The following IPMK variants were observed in gnomAD, a reference collection of about 807,000 sequenced individuals.
The protein encoded by IPMK is inositol polyphosphate multikinase.
IPMK carries 17 observed loss-of-function variants against 45.8 expected under a neutral mutation model. The ratio of observed to expected loss-of-function variants is 0.37; its 90% CI spans 0.25 to 0.56. The LOEUF (loss-of-function observed/expected upper bound fraction) is 0.56, where lower values mean the gene tolerates loss of function less well. Ranked by LOEUF, IPMK falls within the 20% of genes least tolerant of loss-of-function variation. The pLI is 0.79. For missense variants in IPMK, 399 were observed against 498.0 expected (o/e 0.80, Z 1.89); for synonymous variants, 180 against 184.3 (o/e 0.98, Z 0.19).
At chr10:58,229,671 C>T (rs114345090) in intron 2 of IPMK, among the ~76,000 whole-genome samples, 8 of 151,630 alleles carry the variant, frequency 5.3e-5, no homozygotes, top group Admixed American at 1.3e-4. Flanking sequence ...AAAATCTATC[C>T]TTCCCAGGAA....
intron 1 of IPMK, among the ~76,000 whole-genome samples, chr10:58,244,380 C>G (rs1487492747): frequency 6.6e-6 from 1 of 150,630 alleles, no homozygotes; most frequent in Non-Finnish European, 1.5e-5. Context: ...GGGGGTGCCT[C>G]TGCCCGGCCG....
intron 1 of IPMK, among the ~76,000 whole-genome samples, chr10:58,246,932 C>T (rs1465192507): frequency 1.3e-5 from 2 of 150,686 alleles, no homozygotes; most frequent in African/African-American, 2.5e-5. Flanking sequence ...ATCCAGAATC[C>T]ACAATGAACT....
In IPMK at chr10:58,267,425, C is replaced by T; in HGVS notation, c.187G>A (p.Val63Met). ...GACCTATGCCACCCCCACTTACCCA[C>T]TTTGTCCTTCCCGTACATGTGCCCG... ...VAGHMYGKDK[V>M]GILQHPDGTV... The change falls in exon 1 of 6, where the codon GTG becomes ATG. Residue 63 changes from valine (V) to methionine (M), a missense_variant. Physicochemically the swap from Val to Met is conservative, Grantham distance 21. Transcript: ENST00000373935. 1 of 1,613,886 alleles carries T rather than the reference C, an allele frequency of 6.2e-7. No homozygotes were observed. The highest frequency in any genetic ancestry group is 8.5e-7 in the Non-Finnish European group (1 of 1,179,858).
intron 4 of IPMK, among the ~76,000 whole-genome samples, chr10:58,208,838 C>T (rs189539353): frequency 4.9e-4 from 75 of 152,290 alleles, no homozygotes; most frequent in African/African-American, 1.6e-3. Flanking sequence ...CAGCAGATGT[C>T]GCTAAGGCAG....
intron 4 of IPMK, among the ~76,000 whole-genome samples, chr10:58,205,486 G>A (rs1838057756): frequency 6.6e-6 from 1 of 152,152 alleles, no homozygotes; most frequent in Non-Finnish European, 1.5e-5. Flanking sequence ...TACTAGGATG[G>A]CTTATAGCAG....
At chr10:58,220,436 G>A (rs893525616) in intron 3 of IPMK, among the ~76,000 whole-genome samples, 1 of 152,148 alleles carries the variant, frequency 6.6e-6, no homozygotes, top group African/African-American at 2.4e-5. Flanking sequence ...TAACTGAGAT[G>A]ATAAAGTTTA....
Position 58,227,138 on chromosome 10 carries a change from A to G in IPMK, c.278T>C (p.Val93Ala). Residue 93 changes from valine to alanine, a missense_variant and splice_region_variant, in exon 3 of 6, where the codon GTT becomes GCT. Physicochemically the swap from Val to Ala is moderately conservative, Grantham distance 64 (BLOSUM62 0). This residue lies in a region of IPMK where 288 missense variants were observed against 398.0 expected (regional missense o/e 0.72). Transcript: ENST00000373935. ...ACCATCAAAACAGTCAGCAGCATAA[A>G]CCTGAAACAGAGAAATATAACATTG... is the stretch of plus-strand genomic sequence containing the variant. ...GPRELEFYNM[V>A]YAADCFDGVL... 6.2e-7 allele frequency: 1 copy of G among 1,607,708 alleles called. No individual in the cohort carries two copies. Among genetic ancestry groups the G allele is most frequent in the South Asian group, 1.1e-5 (1 of 90,594 alleles).
At position 58,267,737 on chromosome 10, in the gene IPMK, G is replaced by C; in HGVS notation, c.-126C>G. 1 of 636,926 alleles carries C rather than the reference G, an allele frequency of 1.6e-6. No homozygotes were observed. The highest frequency in any genetic ancestry group is 2.8e-6 in the Non-Finnish European group (1 of 358,556). 39.5% of individuals were successfully genotyped at this position (636,926 alleles called of 1,614,324 possible). A position where few individuals can be genotyped will look rare whatever the true frequency, so the allele number is the denominator to read the frequency against. On this transcript the variant is annotated 5_prime_UTR_variant, in exon 1 of 6. Transcript: ENST00000373935. ...GGAGGCCCGGGGGTTCCCGCGGCTG[G>C]TGCCCTCTGAAGCGCGGGGAGGGGG...
intron 4 of IPMK, among the ~76,000 whole-genome samples, chr10:58,207,263 G>A (rs573036841): frequency 6.6e-5 from 10 of 152,320 alleles, no homozygotes; most frequent in Middle Eastern, 3.4e-3. Context: ...TCGGCCTCCC[G>A]AAGTGCTGGG....
chr10:58,215,557 C>T (rs147748668), intron 4 of IPMK, among the ~76,000 whole-genome samples: 14 of 151,798 alleles, frequency 9.2e-5, no homozygotes, highest in African/African-American at 2.7e-4. Flanking sequence ...TATAGGCACA[C>T]GCTACCTCTC....
chr10:58,221,717 C>T (rs555713887), intron 3 of IPMK, among the ~76,000 whole-genome samples: 1 of 152,002 alleles, frequency 6.6e-6, no homozygotes, highest in South Asian at 2.1e-4. Flanking sequence ...TGTCACCACA[C>T]CCAGCTAATT....
At chr10:58,236,171 T>G (rs1257287854) in intron 2 of IPMK, among the ~76,000 whole-genome samples, 3 of 152,002 alleles carry the variant, frequency 2.0e-5, no homozygotes, top group East Asian at 3.9e-4. Context: ...CCTCAAGGGA[T>G]CCACCTGTCT....
intron 1 of IPMK, among the ~76,000 whole-genome samples, chr10:58,259,173 A>G (rs543767312): frequency 6.6e-6 from 1 of 152,252 alleles, no homozygotes; most frequent in East Asian, 1.9e-4. Flanking sequence ...GAGCACACCT[A>G]GTGGCCAGAC....
chr10:58,248,911 C>T (rs1478179571), intron 1 of IPMK, among the ~76,000 whole-genome samples: 1 of 152,104 alleles, frequency 6.6e-6, no homozygotes, highest in Non-Finnish European at 1.5e-5. Flanking sequence ...CATTATGAAC[C>T]ACATTTTCTT....
intron 2 of IPMK, among the ~76,000 whole-genome samples, chr10:58,237,066 A>T (rs1235838435): frequency 1.3e-5 from 2 of 152,176 alleles, no homozygotes; most frequent in Non-Finnish European, 2.9e-5. Context: ...ACAGAGCCAG[A>T]CCCTATCTCA....
intron 3 of IPMK, among the ~76,000 whole-genome samples, chr10:58,223,909 A>T (rs559163075): frequency 1.3e-5 from 2 of 152,190 alleles, no homozygotes; most frequent in Admixed American, 1.3e-4. Flanking sequence ...TTCCACCATG[A>T]TTTTAAGTTT....
chr10:58,219,663 C>T (rs150795326), intron 3 of IPMK, among the ~76,000 whole-genome samples: 17 of 152,240 alleles, frequency 1.1e-4, no homozygotes, highest in Admixed American at 3.3e-4. Context: ...ATTTCTAGGC[C>T]ACAACCCATC....
intron 1 of IPMK, among the ~76,000 whole-genome samples, chr10:58,254,075 T>C (rs1020875279): frequency 6.6e-6 from 1 of 152,196 alleles, no homozygotes; most frequent in Admixed American, 6.5e-5. Context: ...GATGTTGTCA[T>C]CTTCCCTCAG....
intron 5 of IPMK, among the ~76,000 whole-genome samples, chr10:58,197,655 A>AAAAAG (rs1381344048): frequency 1.4e-5 from 2 of 140,882 alleles, no homozygotes; most frequent in African/African-American, 5.9e-5. Flanking sequence ...GTCTCAAAAA[A>AAAAAG]AAAAGAAAAG....
Sources: gnomAD v4.1 joint callset for allele counts (sites outside exome capture counted in the v4.1 genomes callset) on GRCh38, gnomAD v4.1.1 for gene constraint, gnomAD v4.1.1 regional missense constraint, MANE v1.5 for transcripts, NCBI Gene and HGNC (gene_info 2026-07-23, HGNC 2026-07-21) for gene names.